ABL2: variants seen among roughly 807,000 people sequenced by gnomAD.
ABL2 encodes the protein ABL proto-oncogene 2, non-receptor tyrosine kinase, also known as tyrosine-protein kinase ABL2.
ABL2 carries 49 observed loss-of-function variants against 107.7 expected under a neutral mutation model. The observed-to-expected ratio is 0.45, with a 90% CI of 0.36 to 0.58. The LOEUF (loss-of-function observed/expected upper bound fraction) is 0.58, where lower values mean the gene tolerates loss of function less well. Among genes scored for constraint, ABL2 ranks in the 20% least tolerant of loss-of-function variants. The pLI, the probability that ABL2 is intolerant of heterozygous loss-of-function variation, is 0.00. For missense variants in ABL2, 1,245 were observed against 1,457.0 expected (o/e 0.85, Z 2.37); for synonymous variants, 549 against 548.6 (o/e 1.00, Z -0.01).
intron 4 of ABL2, among the ~76,000 whole-genome samples, chr1:179,122,276 TAAAAAAAAAAA>T (rs34338293): frequency 1.6e-4 from 20 of 126,800 alleles, no homozygotes. Context: ...AGGCTATCTT[TAAAAAAAAAAA>T]AAAAAAAAAA....
intron 1 of ABL2, among the ~76,000 whole-genome samples, chr1:179,176,245 A>G (rs185270713): frequency 6.7e-4 from 102 of 152,296 alleles, no homozygotes; most frequent in Non-Finnish European, 1.2e-4. Context: ...GTACAGAAAA[A>G]TAGAATAAAT....
At chr1:179,224,451 T>C (rs1156479053) in intron 1 of ABL2, among the ~76,000 whole-genome samples, 5 of 151,908 alleles carry the variant, frequency 3.3e-5, no homozygotes, top group African/African-American at 9.7e-5. Flanking sequence ...ATTTTTTTAG[T>C]AGAGACAGGG....
In ABL2 at chr1:179,229,608, T is replaced by C; in HGVS notation, c.-211A>G. On this transcript the variant is annotated 5_prime_UTR_variant, in exon 1 of 12. Coordinates refer to ENST00000502732, the MANE Select transcript of ABL2 (RefSeq NM_007314.4). ...ACTCACAGATTCTGCTTTTCCCTCC[T>C]CCTGTCGCGGCTCCGCGCCCCCAAC... 2 of 526,506 alleles carry C rather than the reference T, an allele frequency of 3.8e-6. No individual in the cohort carries two copies. Among genetic ancestry groups the C allele is most frequent in the South Asian group, 3.0e-5 (1 of 32,852 alleles). 32.6% of individuals were successfully genotyped at this position (526,506 alleles called of 1,614,324 possible). A position where few individuals can be genotyped will look rare whatever the true frequency, so the allele number is the denominator to read the frequency against.
rs1167820209 is a variant in ABL2, at chr1:179,108,499, A to T, written c.2768T>A (p.Leu923His). 6.2e-7 allele frequency: 1 copy of T among 1,613,972 alleles called. No homozygotes were observed. Among genetic ancestry groups the T allele is most frequent in the Non-Finnish European group, 8.5e-7 (1 of 1,180,024 alleles). ...WPSPAKAAPV[L>H]PTTHNHKVPV... ...CACTTTGTGGTTGTGAGTGGTTGGG[A>T]GGACGGGGGCAGCCTTGGCTGGAGA... is the stretch of plus-strand genomic sequence containing the variant. Residue 923 changes from leucine to histidine, a missense_variant, in exon 12 of 12, where the codon CTC becomes CAC. Coordinates refer to ENST00000502732, the MANE Select transcript of ABL2 (RefSeq NM_007314.4).
At chr1:179,227,579 G>T (rs1236824917) in intron 1 of ABL2, among the ~76,000 whole-genome samples, 5 of 152,276 alleles carry the variant, frequency 3.3e-5, no homozygotes, top group Admixed American at 3.3e-4. Flanking sequence ...ACTAGGCCAA[G>T]TTTAATGCAT....
At chr1:179,135,714 C>T (rs1300473292) in intron 1 of ABL2, among the ~76,000 whole-genome samples, 8 of 146,744 alleles carry the variant, frequency 5.5e-5, no homozygotes, top group Middle Eastern at 3.9e-3. Flanking sequence ...TCTGCCCGGC[C>T]GCCCCTACTG....
At chr1:179,136,112 G>A (rs1366855804) in intron 1 of ABL2, among the ~76,000 whole-genome samples, 26 of 150,978 alleles carry the variant, frequency 1.7e-4, no homozygotes, top group East Asian at 2.0e-4. Flanking sequence ...CGTCCGGCCA[G>A]CCACCCCGTC....
intron 1 of ABL2, among the ~76,000 whole-genome samples, chr1:179,173,600 T>G (rs1426616579): frequency 6.6e-6 from 1 of 152,126 alleles, no homozygotes; most frequent in African/African-American, 2.4e-5. Context: ...TCCGCCCACC[T>G]TGGCCTCCCA....
At chr1:179,111,430 C>T (rs538621966) in intron 10 of ABL2, among the ~76,000 whole-genome samples, 5 of 151,422 alleles carry the variant, frequency 3.3e-5, no homozygotes, top group Admixed American at 6.6e-5. Flanking sequence ...GGATTACAGG[C>T]GCCTGCCATC....
At chr1:179,169,007 A>T (rs930091630) in intron 1 of ABL2, among the ~76,000 whole-genome samples, 2 of 152,206 alleles carry the variant, frequency 1.3e-5, no homozygotes, top group Admixed American at 6.5e-5. Flanking sequence ...TCATCTGGAC[A>T]CTACCTTCAT....
intron 10 of ABL2, among the ~76,000 whole-genome samples, chr1:179,111,555 G>A (rs1314404036): frequency 6.6e-6 from 1 of 152,058 alleles, no homozygotes; most frequent in African/African-American, 2.4e-5. Context: ...CAAAGTGCTG[G>A]GATTGCAGGT....
chr1:179,198,010 C>T (rs1264427335), intron 1 of ABL2, among the ~76,000 whole-genome samples: 1 of 151,696 alleles, frequency 6.6e-6, no homozygotes, highest in African/African-American at 2.4e-5. Context: ...CATGTCTCTA[C>T]TAAAAATATA....
chr1:179,196,779 A>AC (rs936748272), intron 1 of ABL2, among the ~76,000 whole-genome samples: 32 of 151,858 alleles, frequency 2.1e-4, no homozygotes, highest in South Asian at 8.3e-4. Flanking sequence ...AAACAAACAA[A>AC]AAAAAACAAA....
chr1:179,184,127 G>T, intron 1 of ABL2: 1 of 303,672 alleles, frequency 3.3e-6, no homozygotes, highest in Admixed American at 3.9e-5. Context: ...GGGTTACAAC[G>T]TTTGTCAACC....
chr1:179,160,332 A>G (rs190367962), intron 1 of ABL2, among the ~76,000 whole-genome samples: 1 of 142,568 alleles, frequency 7.0e-6, no homozygotes, highest in Admixed American at 7.4e-5. Flanking sequence ...TGGGCAACAT[A>G]GTGAGACCCC....
At chr1:179,129,876 C>T (rs1656118924) in intron 3 of ABL2, among the ~76,000 whole-genome samples, 1 of 152,108 alleles carries the variant, frequency 6.6e-6, no homozygotes, top group South Asian at 2.1e-4. Flanking sequence ...TAATTCTGTC[C>T]TATGTACAAT....
At chr1:179,193,866 G>T (rs867403597) in intron 1 of ABL2, among the ~76,000 whole-genome samples, 9 of 152,196 alleles carry the variant, frequency 5.9e-5, no homozygotes, top group Non-Finnish European at 5.9e-5. Context: ...TGAGTAGCTG[G>T]GACTACAGAC....
chr1:179,110,438 C>A lies in ABL2; in HGVS notation c.1669G>T (p.Gly557Trp). 1 of 1,613,260 alleles carries A rather than the reference C, an allele frequency of 6.2e-7. No individual in the cohort carries two copies. The highest frequency in any genetic ancestry group is 8.5e-7 in the Non-Finnish European group (1 of 1,179,800). Residue 557 changes from glycine (G) to tryptophan (W), a missense_variant, in exon 11 of 12, where the codon GGG (glycine) becomes TGG (tryptophan). By Grantham distance (184) the Gly-to-Trp change is radical. This residue lies in a region of ABL2 where 761 missense variants were observed against 766.4 expected (regional missense o/e 0.99). Coordinates refer to ENST00000502732, the MANE Select transcript of ABL2 (RefSeq NM_007314.4). ...SISEEVAEEL[G>W]RAASSSSVVP... ...ACAGATGACGAGGAGGCGGCTCTCCCAAGCTCCTCAGCTACCTCTGTGAGG... is the reference window on the plus strand; with the variant it reads ...ACAGATGACGAGGAGGCGGCTCTCCAAAGCTCCTCAGCTACCTCTGTGAGG...
chr1:179,173,352 G>T (rs948748644), intron 1 of ABL2, among the ~76,000 whole-genome samples: 1 of 147,350 alleles, frequency 6.8e-6, no homozygotes, highest in East Asian at 2.0e-4. Flanking sequence ...AGTTAGAAAG[G>T]CTGTAATTTT....
Sources: gnomAD v4.1 joint callset for allele counts (sites outside exome capture counted in the v4.1 genomes callset) on GRCh38, gnomAD v4.1.1 for gene constraint, gnomAD v4.1.1 regional missense constraint, MANE v1.5 for transcripts, NCBI Gene and HGNC (gene_info 2026-07-23, HGNC 2026-07-21) for gene names.